The following CHRM2 variants were observed in gnomAD, a reference collection of about 807,000 sequenced individuals.
CHRM2 encodes the protein muscarinic acetylcholine receptor M2.
Under a neutral mutation model 25.0 loss-of-function variants are expected in CHRM2, and 8 were observed. The observed-to-expected ratio is 0.32, with a 90% CI of 0.19 to 0.58. CHRM2 has a LOEUF of 0.58. Among genes scored for constraint, CHRM2 ranks in the 20% least tolerant of loss-of-function variants. The probability of loss-of-function intolerance (pLI) is 0.88; values close to 1 mark genes in which losing one functional copy is unlikely to be tolerated. For synonymous variants in CHRM2, 202 were observed against 205.7 expected (o/e 0.98, Z 0.15); for missense variants, 440 against 567.1 (o/e 0.78, Z 2.28).
chr7:136,918,620 G>A (rs1563065544), intron 2 of CHRM2, among the ~76,000 whole-genome samples: 1 of 151,964 alleles, frequency 6.6e-6, no homozygotes, highest in Admixed American at 6.6e-5. Flanking sequence ...TAGAGACAGT[G>A]TCCCTACGTT....
chr7:136,912,847 T>C (rs1179727984), intron 2 of CHRM2, among the ~76,000 whole-genome samples: 2 of 151,974 alleles, frequency 1.3e-5, no homozygotes, highest in African/African-American at 4.8e-5. Context: ...TATCTAAGCC[T>C]TAGTTTCATC....
chr7:136,989,105 G>A (rs997568081), intron 2 of CHRM2, among the ~76,000 whole-genome samples: 1 of 151,900 alleles, frequency 6.6e-6, no homozygotes, highest in Non-Finnish European at 1.5e-5. Flanking sequence ...CAGAACCAGG[G>A]TCTGTTCCTT....
chr7:136,933,031 A>AAAATAAAT (rs576034444), intron 2 of CHRM2, among the ~76,000 whole-genome samples: 1,842 of 146,444 alleles, frequency 0.013, 43 homozygotes, highest in African/African-American at 0.042. Context: ...CTCTGTTTCA[A>AAAATAAAT]AAATAAATAA....
intron 2 of CHRM2, among the ~76,000 whole-genome samples, chr7:136,892,055 T>A (rs182243033): frequency 6.6e-6 from 1 of 152,302 alleles, no homozygotes; most frequent in South Asian, 2.1e-4. Context: ...ACACAGCAGG[T>A]ATTAACACTG....
intron 2 of CHRM2, among the ~76,000 whole-genome samples, chr7:136,905,463 T>A (rs556251232): frequency 6.6e-6 from 1 of 151,796 alleles, no homozygotes; most frequent in Non-Finnish European, 1.5e-5. Context: ...TGTTGGTTTT[T>A]AAACATATTT....
At chr7:136,987,217 A>G (rs1311062152) in intron 2 of CHRM2, among the ~76,000 whole-genome samples, 1 of 152,090 alleles carries the variant, frequency 6.6e-6, no homozygotes, top group Non-Finnish European at 1.5e-5. Context: ...TCCAGCACAT[A>G]GCACAGGGAC....
chr7:136,939,451 GATA>G (rs1394342290), intron 2 of CHRM2, among the ~76,000 whole-genome samples: 2 of 152,122 alleles, frequency 1.3e-5, no homozygotes, highest in East Asian at 3.9e-4. Context: ...GCAAAGTAAG[GATA>G]ATATTATTTA....
At chr7:136,987,134 T>TC (rs1330024404) in intron 2 of CHRM2, among the ~76,000 whole-genome samples, 1 of 152,166 alleles carries the variant, frequency 6.6e-6, no homozygotes. Flanking sequence ...TCTTTCTTTT[T>TC]CTCTTCCTCC....
At chr7:136,909,757 A>G (rs1797740266) in intron 2 of CHRM2, among the ~76,000 whole-genome samples, 1 of 151,906 alleles carries the variant, frequency 6.6e-6, no homozygotes. Context: ...TCCTTCTTCA[A>G]TTTACATGTA....
chr7:136,880,197 G>A (rs572656364), intron 2 of CHRM2, among the ~76,000 whole-genome samples: 1 of 151,700 alleles, frequency 6.6e-6, no homozygotes, highest in East Asian at 1.9e-4. Context: ...GCAATTATTG[G>A]CAGCCTTGCT....
At chr7:136,980,816 T>C (rs1000685372) in intron 2 of CHRM2, among the ~76,000 whole-genome samples, 1 of 152,178 alleles carries the variant, frequency 6.6e-6, no homozygotes, top group Non-Finnish European at 1.5e-5. Context: ...TGGATAAGCT[T>C]TTTAACGTGC....
chr7:136,889,656 A>G (rs999779931), intron 2 of CHRM2, among the ~76,000 whole-genome samples: 2 of 152,216 alleles, frequency 1.3e-5, no homozygotes, highest in Admixed American at 1.3e-4. Flanking sequence ...TCAAGAATAA[A>G]AAGAAATAAA....
intron 2 of CHRM2, among the ~76,000 whole-genome samples, chr7:136,948,399 A>G (rs1655239354): frequency 6.6e-6 from 1 of 152,312 alleles, no homozygotes; most frequent in East Asian, 1.9e-4. Flanking sequence ...ATTTATAGTA[A>G]GTAGGCCAAA....
intron 2 of CHRM2, among the ~76,000 whole-genome samples, chr7:136,970,115 C>T (rs1801665018): frequency 6.6e-6 from 1 of 152,130 alleles, no homozygotes; most frequent in African/African-American, 2.4e-5. Context: ...AATGCCCCAT[C>T]TCAGATATCA....
intron 2 of CHRM2, among the ~76,000 whole-genome samples, chr7:136,974,456 G>A (rs982222016): frequency 5.3e-5 from 8 of 152,226 alleles, no homozygotes; most frequent in Middle Eastern, 3.4e-3. Context: ...GTTTCAGGGT[G>A]GTCAGGGGAC....
chr7:136,961,149 A>T (rs62485258), intron 2 of CHRM2, among the ~76,000 whole-genome samples: 1 of 151,918 alleles, frequency 6.6e-6, no homozygotes, highest in Non-Finnish European at 1.5e-5. Context: ...TAAAAAAACC[A>T]TATGCATTCA....
chr7:136,995,929 T>C (rs1363751048), intron 3 of CHRM2, among the ~76,000 whole-genome samples: 4 of 151,830 alleles, frequency 2.6e-5, no homozygotes, highest in Non-Finnish European at 4.4e-5. Context: ...TTTAATATAA[T>C]ATAAAATTTA....
intron 2 of CHRM2, chr7:136,906,927 G>A (rs569842621): frequency 3.7e-4 from 56 of 151,768 alleles, no homozygotes; most frequent in Non-Finnish European, 7.6e-4. Context: ...GAATCAGTGG[G>A]AGCCCTGAGC....
At chr7:136,953,060 T>A (rs569897692) in intron 2 of CHRM2, among the ~76,000 whole-genome samples, 2 of 152,334 alleles carry the variant, frequency 1.3e-5, no homozygotes, top group Non-Finnish European at 2.9e-5. Flanking sequence ...GTCTTTATGA[T>A]AGAACTATTT....
Sources: allele counts gnomAD v4.1 joint callset (sites outside exome capture counted in the v4.1 genomes callset), GRCh38; gene constraint gnomAD v4.1.1; transcripts MANE v1.5; gene names NCBI Gene and HGNC (gene_info 2026-07-23, HGNC 2026-07-21).